Variants in KANK1 observed in about 807,000 individuals in gnomAD.
KANK1 encodes KN motif and ankyrin repeat domain-containing protein 1.
In KANK1, 109 loss-of-function variants were observed where a neutral mutation model predicts 106.2. The observed-to-expected ratio is 1.03, with a 90% CI of 0.88 to 1.20. The LOEUF is 1.20. Among genes scored for constraint, KANK1 ranks in the 50% most tolerant of loss-of-function variants. KANK1 has a pLI of 0.00. For missense variants in KANK1, 2,399 were observed against 1,710.7 expected (o/e 1.40, Z -7.10); for synonymous variants, 873 against 652.2 (o/e 1.34, Z -5.16).
At chr9:539,354 A>T (rs1446006026) in intron 1 of KANK1, among the ~76,000 whole-genome samples, 1 of 152,198 alleles carries the variant, frequency 6.6e-6, no homozygotes, top group Non-Finnish European at 1.5e-5. Flanking sequence ...GAACAGTTTT[A>T]ACAGTGTTAA....
chr9:566,767 A>G (rs929410621), intron 1 of KANK1, among the ~76,000 whole-genome samples: 1 of 151,802 alleles, frequency 6.6e-6, no homozygotes, highest in African/African-American at 2.4e-5. Context: ...TGTCAGATGG[A>G]TAGTTTGCCA....
rs768945042 is a variant in KANK1 at position 742,424 on chromosome 9, G to A, written c.3897+19G>A. The A allele has an allele frequency of 2.5e-6, 4 of 1,596,060 alleles. No homozygotes were observed. Among genetic ancestry groups the A allele is most frequent in the Non-Finnish European group, 3.4e-6 (4 of 1,168,380 alleles). On this transcript the variant is annotated intron_variant, in intron 10 of 11. Coordinates refer to ENST00000382297, the MANE Select transcript of KANK1 (RefSeq NM_015158.5). ...GGACAACGTAAGCTGTCTCCATTGGGCCTCCTGGCCAGGGGTCTGGGGGAC... is the reference window on the plus strand; with the variant it reads ...GGACAACGTAAGCTGTCTCCATTGGACCTCCTGGCCAGGGGTCTGGGGGAC...
At chr9:549,272 G>C (rs1437732585) in intron 1 of KANK1, 2 of 152,464 alleles carry the variant, frequency 1.3e-5, no homozygotes, top group Non-Finnish European at 2.9e-5. Context: ...TCCTGTAGTG[G>C]ATGTGACTGT....
chr9:683,934 T>G (rs1818054507), intron 2 of KANK1, among the ~76,000 whole-genome samples: 2 of 152,206 alleles, frequency 1.3e-5, no homozygotes. Context: ...TGGTGGTGTT[T>G]GAGAAGATAA....
In KANK1 at chr9:520,117, C is replaced by T. The variant is rs941126143; in HGVS notation, c.-84+15363C>T. 9.2e-5 allele frequency among the ~76,000 whole-genome samples: 14 copies of T among 151,744 alleles called. No homozygotes were observed. In the East Asian group the frequency reaches 1.4e-3, roughly 15 times the overall value. On this transcript the variant is annotated intron_variant, in intron 1 of 11. Transcript: ENST00000382297. Reference sequence around the variant, plus strand: ...CTTTGGGAGGCTGAGGTGGATAGATCGCTTGAGCCCAGGAATTCAAGACTA... The same window carrying T: ...CTTTGGGAGGCTGAGGTGGATAGATTGCTTGAGCCCAGGAATTCAAGACTA...
At chr9:620,347 G>C (rs1167934042) in intron 1 of KANK1, among the ~76,000 whole-genome samples, 1 of 151,976 alleles carries the variant, frequency 6.6e-6, no homozygotes, top group Admixed American at 6.6e-5. Flanking sequence ...CTGCTTTCTT[G>C]GGCCATAGTA....
chr9:476,468 C>T (rs987524531), intron 3 of KANK1, among the ~76,000 whole-genome samples: 20 of 150,844 alleles, frequency 1.3e-4, no homozygotes, highest in African/African-American at 4.4e-4. Flanking sequence ...TTGCAGTGGG[C>T]TGAGATCACG....
At chr9:521,565 CTTTTT>C (rs35143391) in intron 1 of KANK1, among the ~76,000 whole-genome samples, 6 of 118,796 alleles carry the variant, frequency 5.1e-5, no homozygotes, top group African/African-American at 1.3e-4. Context: ...CCTCCAGATT[CTTTTT>C]TTTTTTTTTT....
chr9:632,613 C>T (rs1452032566), intron 1 of KANK1, among the ~76,000 whole-genome samples: 1 of 152,134 alleles, frequency 6.6e-6, no homozygotes, highest in Admixed American at 6.6e-5. Flanking sequence ...CGTGGAGTCA[C>T]ACTGAGGATT....
At chr9:513,600 G>C (rs2059128239) in intron 1 of KANK1, among the ~76,000 whole-genome samples, 1 of 152,066 alleles carries the variant, frequency 6.6e-6, no homozygotes, top group African/African-American at 2.4e-5. Context: ...TTTGATATTT[G>C]TCTTACTAAT....
At chr9:544,525 G>A (rs1251983523) in intron 1 of KANK1, among the ~76,000 whole-genome samples, 1 of 152,190 alleles carries the variant, frequency 6.6e-6, no homozygotes, top group African/African-American at 2.4e-5. Context: ...CAAACACTAT[G>A]TGGAGGAATA....
intron 10 of KANK1, among the ~76,000 whole-genome samples, chr9:742,759 T>C (rs547398706): frequency 2.6e-5 from 4 of 152,266 alleles, no homozygotes; most frequent in African/African-American, 9.6e-5. Context: ...ACAGGTGCAC[T>C]TGGAAATCTG....
intron 1 of KANK1, among the ~76,000 whole-genome samples, chr9:673,200 CTTTTTTTTTTTTTTTTT>C (rs542647158): frequency 1.0e-5 from 1 of 97,832 alleles, no homozygotes; most frequent in Non-Finnish European, 2.2e-5. Context: ...ACAGTGTCTT[CTTTTTTTTTTTTTTTTT>C]TTTTTTTTTG....
At chr9:497,151 G>T (rs2058469287) in intron 3 of KANK1, among the ~76,000 whole-genome samples, 1 of 152,114 alleles carries the variant, frequency 6.6e-6, no homozygotes. Flanking sequence ...AACCAGAAGT[G>T]TGGGGCTATC....
chr9:562,392 A>G (rs576464037), intron 1 of KANK1, among the ~76,000 whole-genome samples: 1 of 152,334 alleles, frequency 6.6e-6, no homozygotes, highest in Non-Finnish European at 1.5e-5. Context: ...GAGCTGGGTA[A>G]CAACTGCTTC....
intron 3 of KANK1, among the ~76,000 whole-genome samples, chr9:728,261 C>T (rs552396299): frequency 6.6e-6 from 1 of 152,114 alleles, no homozygotes; most frequent in African/African-American, 2.4e-5. Context: ...AGTGCAATGG[C>T]ACGATCTAGG....
chr9:597,471 A>G (rs1826501972), intron 1 of KANK1, among the ~76,000 whole-genome samples: 1 of 151,692 alleles, frequency 6.6e-6, no homozygotes, highest in Non-Finnish European at 1.5e-5. Flanking sequence ...AATGGTATTT[A>G]TCTTTCCATG....
upstream of KANK1, among the ~76,000 whole-genome samples, chr9:503,640 T>C (rs1326280073): frequency 6.6e-6 from 1 of 152,160 alleles, no homozygotes; most frequent in Non-Finnish European, 1.5e-5. Flanking sequence ...AGGGGAGGAC[T>C]CTCTCCCTTA....
At chr9:535,713 T>A (rs981383964) in intron 1 of KANK1, among the ~76,000 whole-genome samples, 1 of 152,252 alleles carries the variant, frequency 6.6e-6, no homozygotes, top group Admixed American at 6.5e-5. Flanking sequence ...GCAAATGGGC[T>A]GTAGAATCAT....
Sources: gnomAD v4.1 joint callset for allele counts (sites outside exome capture counted in the v4.1 genomes callset) on GRCh38, gnomAD v4.1.1 for gene constraint, MANE v1.5 for transcripts, NCBI Gene and HGNC (gene_info 2026-07-23, HGNC 2026-07-21) for gene names.